The following GBE1 variants were observed in gnomAD, a reference collection of about 807,000 sequenced individuals.
GBE1 encodes 1,4-alpha-glucan branching enzyme 1.
In GBE1, 70 loss-of-function variants were observed where a neutral mutation model predicts 88.8. The observed-to-expected ratio is 0.79, with a 90% confidence interval of 0.65 to 0.96. GBE1 has a LOEUF of 0.96. Among genes scored for constraint, GBE1 ranks in the 40% least tolerant of loss-of-function variants. GBE1 has a pLI of 0.00. For missense variants in GBE1, 872 were observed against 871.0 expected, an observed-to-expected ratio of 1.00 and a Z score of -0.01; for synonymous variants, 284 against 300.1, an observed-to-expected ratio of 0.95 and a Z score of 0.56.
chr3:81,501,452 T>C (rs1702584740), intron 14 of GBE1, among the ~76,000 whole-genome samples: 1 of 152,104 alleles, frequency 6.6e-6, no homozygotes, highest in African/African-American at 2.4e-5. Context: ...ATCTCTTGTT[T>C]CTCAAACAGC....
intron 7 of GBE1, among the ~76,000 whole-genome samples, chr3:81,624,758 A>C (rs1704387838): frequency 6.6e-6 from 1 of 152,250 alleles, no homozygotes; most frequent in African/African-American, 2.4e-5. Context: ...AAACACACAC[A>C]ATACAAGAAG....
chr3:81,707,981 T>C (rs1184994181), intron 1 of GBE1, among the ~76,000 whole-genome samples: 1 of 152,040 alleles, frequency 6.6e-6, no homozygotes, highest in East Asian at 1.9e-4. Context: ...CTCTGTTGCA[T>C]TGTTCTAATC....
At chr3:81,518,687 T>C (rs1559631381) in intron 14 of GBE1, among the ~76,000 whole-genome samples, 1 of 151,410 alleles carries the variant, frequency 6.6e-6, no homozygotes, top group African/African-American at 2.4e-5. Context: ...GTATTAGTCA[T>C]TTCAAAACTA....
At chr3:81,594,440 A>G (rs1450685281) in intron 7 of GBE1, among the ~76,000 whole-genome samples, 2 of 152,090 alleles carry the variant, frequency 1.3e-5, no homozygotes, top group Non-Finnish European at 2.9e-5. Context: ...TAATATAACC[A>G]TAATTATGTG....
chr3:81,612,989 T>TA, intron 7 of GBE1: 1 of 449,790 alleles, frequency 2.2e-6, no homozygotes, highest in South Asian at 2.1e-5. Flanking sequence ...GATTAGAAGA[T>TA]ACTGATGAAG....
At chr3:81,727,338 GA>G (rs1245226176) in intron 1 of GBE1, among the ~76,000 whole-genome samples, 1 of 152,122 alleles carries the variant, frequency 6.6e-6, no homozygotes, top group African/African-American at 2.4e-5. Context: ...TGAGAAAGGG[GA>G]AAAAATCATT....
rs145867211 is a variant in GBE1 at position 81,702,082 on chromosome 3, GGAGAGA to G, written c.313+3356_313+3361del. Among the ~76,000 whole-genome samples the G allele has an allele frequency of 1.7e-4, 13 of 76,790 alleles. No individual in the cohort carries two copies. In the South Asian group the frequency reaches 4.3e-3, roughly 25 times the overall value. The allele number at this position is 76,790 out of a possible 152,430, so 50.4% of individuals were successfully genotyped here. A position where few individuals can be genotyped will look rare whatever the true frequency, so the allele number is the denominator to read the frequency against. On this transcript the variant is annotated intron_variant, in intron 2 of 15. Coordinates refer to ENST00000429644, the MANE Select transcript of GBE1 (RefSeq NM_000158.4). ...GGGAAAAATAAAATACAGAATCCCT[GGAGAGA>G]GAGAGAGAGAGAGAGTGTGTGTGTG...
chr3:81,599,089 G>A (rs1377741734), intron 7 of GBE1, among the ~76,000 whole-genome samples: 1 of 152,000 alleles, frequency 6.6e-6, no homozygotes, highest in Non-Finnish European at 1.5e-5. Context: ...TTCCAATCAG[G>A]TATTCTCTAG....
chr3:81,600,538 T>C (rs1376251430), intron 7 of GBE1, among the ~76,000 whole-genome samples: 10 of 152,068 alleles, frequency 6.6e-5, no homozygotes, highest in Admixed American at 6.6e-4. Context: ...GCATAAAAAA[T>C]AAATTAGAAT....
At chr3:81,569,017 T>C (rs1473612605) in intron 12 of GBE1, among the ~76,000 whole-genome samples, 8 of 151,726 alleles carry the variant, frequency 5.3e-5, no homozygotes, top group Admixed American at 3.3e-4. Context: ...TTTAAAGATC[T>C]AAAAAAAATA....
In GBE1 at chr3:81,670,745, T is replaced by G. The variant is rs183201245; in HGVS notation, c.429+93A>C. ...CTGTTTCTCCCACAATTATCATGCA[T>G]CAGTTGTACATTCTAATAGTTTAAA... On this transcript the variant is annotated intron_variant, in intron 3 of 15. Coordinates refer to ENST00000429644, the MANE Select transcript of GBE1 (RefSeq NM_000158.4). The G allele has an allele frequency of 6.4e-5, 42 of 660,902 alleles. No homozygotes were observed. The African/African-American group carries it at 6.4e-4, about 10-fold the overall frequency. 40.9% of individuals were successfully genotyped at this position (660,902 alleles called of 1,614,324 possible).
chr3:81,493,235 G>GAGTA (rs532006724), intron 15 of GBE1, among the ~76,000 whole-genome samples: 200 of 152,264 alleles, frequency 1.3e-3, no homozygotes, highest in African/African-American at 4.5e-3. Flanking sequence ...TTCTCTTATA[G>GAGTA]AGTATTGTCC....
At chr3:81,550,563 T>A (rs1234649859) in intron 12 of GBE1, among the ~76,000 whole-genome samples, 1 of 152,138 alleles carries the variant, frequency 6.6e-6, no homozygotes, top group African/African-American at 2.4e-5. Context: ...CATTCCCAGA[T>A]GACTAGGCAT....
In GBE1 at chr3:81,752,946, C is replaced by T. The variant is rs548848741; in HGVS notation, c.143+8429G>A. Among the ~76,000 whole-genome samples the T allele has an allele frequency of 5.9e-5, 9 of 152,214 alleles. 1 individual carries two copies. In the South Asian group the frequency reaches 1.9e-3, roughly 32 times the overall value. On this transcript the variant is annotated intron_variant, in intron 1 of 15. Transcript: ENST00000429644. ...TATATTAGTTTGCTAATAATATTAT[C>T]ATCAAACTATTATTTGTTTACTGAG...
intron 1 of GBE1, among the ~76,000 whole-genome samples, chr3:81,734,629 G>C (rs1419475977): frequency 6.6e-6 from 1 of 152,106 alleles, no homozygotes; most frequent in Non-Finnish European, 1.5e-5. Flanking sequence ...TACATATCTA[G>C]ATGGTCAAGG....
intron 14 of GBE1, among the ~76,000 whole-genome samples, chr3:81,510,861 A>G (rs1466237085): frequency 6.6e-6 from 1 of 152,078 alleles, no homozygotes; most frequent in East Asian, 1.9e-4. Context: ...ACAGTTAATA[A>G]TGTGTTATAT....
intron 2 of GBE1, among the ~76,000 whole-genome samples, chr3:81,679,016 A>G (rs1218723705): frequency 6.6e-6 from 1 of 152,188 alleles, no homozygotes; most frequent in Non-Finnish European, 1.5e-5. Context: ...GGTTTAAATT[A>G]TGAAAAGCAA....
intron 1 of GBE1, among the ~76,000 whole-genome samples, chr3:81,757,421 G>A (rs1478914274): frequency 6.6e-6 from 1 of 152,218 alleles, no homozygotes; most frequent in Non-Finnish European, 1.5e-5. Context: ...ACTCTGTTTG[G>A]AATGAAGAGG....
In GBE1 at chr3:81,670,930, G is replaced by T; in HGVS notation, c.337C>A (p.Pro113Thr). ...TTTCCATAATCCAGTTTTTTGTATGGGTACGAAAATGGATTCCAACCATCT... is the reference window on the plus strand; with the variant it reads ...TTTCCATAATCCAGTTTTTTGTATGTGTACGAAAATGGATTCCAACCATCT... ...DFNGWNPFSY[P>T]YKKLDYGKWE... Residue 113 changes from proline (P) to threonine (T), a missense_variant, in exon 3 of 16, where the codon CCA (proline) becomes ACA (threonine). Coordinates refer to ENST00000429644, the MANE Select transcript of GBE1 (RefSeq NM_000158.4). 2 of 1,562,230 alleles carry T rather than the reference G, an allele frequency of 1.3e-6. No individual in the cohort carries two copies. The highest frequency in any genetic ancestry group is 1.2e-5 in the South Asian group (1 of 81,946).
Sources: gnomAD v4.1 joint callset for allele counts (sites outside exome capture counted in the v4.1 genomes callset) on GRCh38, gnomAD v4.1.1 for gene constraint, MANE v1.5 for transcripts, NCBI Gene and HGNC (gene_info 2026-07-23, HGNC 2026-07-21) for gene names.